The following NSD1 variants were observed in gnomAD, a reference collection of about 807,000 sequenced individuals.
NSD1 encodes the protein histone-lysine N-methyltransferase, H3 lysine-36 specific.
NSD1 carries 26 observed loss-of-function variants against 242.7 expected under a neutral mutation model. That is an observed-to-expected ratio of 0.11 (90% CI 0.08 to 0.15). The LOEUF (loss-of-function observed/expected upper bound fraction) is 0.15. Among genes scored for constraint, NSD1 ranks in the 10% least tolerant of loss-of-function variants. The probability of loss-of-function intolerance (pLI) is 1.00; values close to 1 mark genes in which losing one functional copy is unlikely to be tolerated. For missense variants in NSD1, 2,495 were observed against 3,272.8 expected (o/e 0.76, Z 5.80); for synonymous variants, 1,106 against 1,178.1 (o/e 0.94, Z 1.25).
intron 17 of NSD1, among the ~76,000 whole-genome samples, chr5:177,276,359 C>G (rs1758380887): frequency 6.7e-6 from 1 of 150,370 alleles, no homozygotes; most frequent in African/African-American, 2.5e-5. Context: ...GAGTCTCACT[C>G]TGTTGCCCAG....
intron 13 of NSD1, among the ~76,000 whole-genome samples, chr5:177,258,066 T>G (rs2149914909): frequency 7.2e-6 from 1 of 139,114 alleles, no homozygotes; most frequent in Non-Finnish European, 1.5e-5. Context: ...CCGCAACCTC[T>G]GCCTCCCGGG....
intron 14 of NSD1, chr5:177,265,130 C>G: frequency 1.3e-6 from 1 of 756,236 alleles, no homozygotes; most frequent in South Asian, 1.4e-5. Context: ...GAAAGTTAAC[C>G]TGGGTTCAAC....
chr5:177,193,064 G>C (rs1761828040), intron 3 of NSD1, among the ~76,000 whole-genome samples: 1 of 152,016 alleles, frequency 6.6e-6, no homozygotes. Flanking sequence ...TTGTTTTTCA[G>C]TTGATTGTTG....
chr5:177,293,748 C>T, intron 22 of NSD1, 84 bp from the exon 23 acceptor site: 2 of 1,471,496 alleles, frequency 1.4e-6, no homozygotes, highest in Middle Eastern at 2.3e-4. Context: ...TCATCATCCA[C>T]ACCTTCGGAC....
intron 8 of NSD1, among the ~76,000 whole-genome samples, chr5:177,243,546 G>A (rs570372233): frequency 6.6e-6 from 1 of 152,294 alleles, no homozygotes; most frequent in East Asian, 1.9e-4. Flanking sequence ...AATTGAGCCT[G>A]TGGATCTCTG....
intron 5 of NSD1, among the ~76,000 whole-genome samples, chr5:177,217,236 C>A (rs146122708): frequency 1.3e-5 from 2 of 152,044 alleles, no homozygotes; most frequent in Non-Finnish European, 2.9e-5. Flanking sequence ...TAAGTTTATT[C>A]TTAAGTATTC....
intron 2 of NSD1, among the ~76,000 whole-genome samples, chr5:177,152,164 C>T (rs1190077397): frequency 6.6e-6 from 1 of 151,272 alleles, no homozygotes. Context: ...CTGGCCATGC[C>T]CAGCTAATTT....
At chr5:177,290,380 T>G (rs1759723470) in intron 21 of NSD1, among the ~76,000 whole-genome samples, 1 of 151,284 alleles carries the variant, frequency 6.6e-6, no homozygotes, top group African/African-American at 2.4e-5. Flanking sequence ...CAAATTAACA[T>G]AGAAGCCAAT....
At chr5:177,234,981 T>C (rs1342607484) in intron 5 of NSD1, among the ~76,000 whole-genome samples, 1 of 152,252 alleles carries the variant, frequency 6.6e-6, no homozygotes, top group Admixed American at 6.5e-5. Context: ...TTTTATCAGC[T>C]GATACATGTA....
At chr5:177,154,463 AG>A (rs1423602997) in intron 2 of NSD1, among the ~76,000 whole-genome samples, 1 of 152,190 alleles carries the variant, frequency 6.6e-6, no homozygotes, top group African/African-American at 2.4e-5. Context: ...ATCATTTTTC[AG>A]ATTGAAGTTT....
intron 5 of NSD1, among the ~76,000 whole-genome samples, chr5:177,227,473 G>T (rs762594762): frequency 1.3e-5 from 2 of 151,946 alleles, no homozygotes; most frequent in African/African-American, 2.4e-5. Context: ...ATTATTTTTA[G>T]ACAGAGCCTA....
intron 2 of NSD1, among the ~76,000 whole-genome samples, chr5:177,160,026 A>G (rs1758611433): frequency 6.6e-6 from 1 of 151,838 alleles, no homozygotes; most frequent in South Asian, 2.1e-4. Context: ...AGTACCTGGG[A>G]CCACAGGTGT....
intron 14 of NSD1, chr5:177,264,808 T>C: frequency 1.3e-6 from 1 of 751,614 alleles, no homozygotes; most frequent in Non-Finnish European, 2.4e-6. Context: ...CCAGTACATG[T>C]TCTGTAGGCC....
At chr5:177,260,485 T>C (rs1756912948) in intron 14 of NSD1, among the ~76,000 whole-genome samples, 1 of 151,906 alleles carries the variant, frequency 6.6e-6, no homozygotes, top group African/African-American at 2.4e-5. Flanking sequence ...TAGCTGGGAT[T>C]ACAGGTGCCC....
At chr5:177,142,785 T>G (rs2149765947) in intron 2 of NSD1, among the ~76,000 whole-genome samples, 1 of 152,288 alleles carries the variant, frequency 6.6e-6, no homozygotes, top group Non-Finnish European at 1.5e-5. Flanking sequence ...AAATGAGAAA[T>G]ACTGGGTCTC....
chr5:177,241,654 G>C (rs1424411570), intron 8 of NSD1, among the ~76,000 whole-genome samples: 1 of 152,056 alleles, frequency 6.6e-6, no homozygotes, highest in East Asian at 1.9e-4. Context: ...GTTAAATTTG[G>C]GATCAGAGCA....
In NSD1 at chr5:177,163,211, C is replaced by T. The variant is rs151083230; in HGVS notation, c.927+27181C>T. ...AGTCTGGAATGCAGTGGCACGATCT[C>T]GGCTCACTGCAACGTCCACCTACTG... On this transcript the variant is annotated intron_variant, in intron 2 of 22. Coordinates refer to ENST00000439151, the MANE Select transcript of NSD1 (RefSeq NM_022455.5). Among the ~76,000 whole-genome samples the T allele has an allele frequency of 4.2e-3, 626 of 147,932 alleles. 3 individuals are homozygous for T. The highest frequency in any genetic ancestry group is 0.014 in the African/African-American group (569 of 40,152).
At chr5:177,245,974 AT>A (rs1182821897) in intron 9 of NSD1, among the ~76,000 whole-genome samples, 610 of 7,146 alleles carry the variant, frequency 0.085, 2 homozygotes, top group Middle Eastern at 0.17. Flanking sequence ...TTTTTTATTT[AT>A]TTTTTTTTTT....
Position 177,211,543 on chromosome 5 carries a change from A to G in NSD1, c.3144A>G (p.Leu1048=), listed in dbSNP as rs1325618021. 2.5e-6 allele frequency: 4 copies of G among 1,614,156 alleles called. No individual in the cohort carries two copies. In the South Asian group the frequency reaches 4.4e-5, roughly 18 times the overall value. The part of the protein sequence containing the change: ...MVKNTVNRKA[L]KTERKRKLNQ... ...AGAACACAGTGAACCGTAAAGCCTT[A>G]AAGACCGAGCGCAAAAGAAAACTGA... Residue 1048 remains leucine, a synonymous_variant, in exon 5 of 23, where the codon TTA becomes TTG. Coordinates refer to ENST00000439151, the MANE Select transcript of NSD1 (RefSeq NM_022455.5).
Sources: allele counts gnomAD v4.1 joint callset (sites outside exome capture counted in the v4.1 genomes callset), GRCh38; gene constraint gnomAD v4.1.1; transcripts MANE v1.5; gene names NCBI Gene and HGNC (gene_info 2026-07-23, HGNC 2026-07-21).